The following KCNJ5 variants were observed in gnomAD, a reference collection of about 807,000 sequenced individuals.
KCNJ5 encodes potassium inwardly rectifying channel subfamily J member 5.
A neutral mutation model predicts 20.2 loss-of-function variants in KCNJ5; 12 were observed. The ratio of observed to expected loss-of-function variants is 0.59; its 90% CI spans 0.38 to 0.96. The LOEUF (loss-of-function observed/expected upper bound fraction) is 0.96. Among genes scored for constraint, KCNJ5 ranks in the 40% least tolerant of loss-of-function variants. KCNJ5 has a pLI of 0.00. For synonymous variants in KCNJ5, 210 were observed against 213.9 expected, an observed-to-expected ratio of 0.98 and a Z score of 0.16; for missense variants, 449 against 557.6, an observed-to-expected ratio of 0.81 and a Z score of 1.96.
intron 1 of KCNJ5, among the ~76,000 whole-genome samples, chr11:128,903,081 T>G (rs116856015): frequency 1.3e-5 from 2 of 152,136 alleles, no homozygotes; most frequent in African/African-American, 4.8e-5. Context: ...GCTGCCGCTT[T>G]AGAACTGCGT....
At chr11:128,907,000 C>T (rs1944428404) in intron 1 of KCNJ5, among the ~76,000 whole-genome samples, 1 of 152,144 alleles carries the variant, frequency 6.6e-6, no homozygotes, top group South Asian at 2.1e-4. Context: ...TCCTGCTAAC[C>T]CTAAAGGGCC....
intron 1 of KCNJ5, among the ~76,000 whole-genome samples, chr11:128,903,713 T>C (rs1944335573): frequency 1.3e-5 from 2 of 152,174 alleles, no homozygotes; most frequent in Admixed American, 1.3e-4. Flanking sequence ...CAGGGACCTC[T>C]GGGGGCAAGT....
rs1565540572 is a variant in KCNJ5, at chr11:128,891,460, A to AGAGG, written c.-269_-268insGGAG. The AGAGG allele has an allele frequency of 9.3e-5, 14 of 150,728 alleles. No homozygotes were observed. The highest frequency in any genetic ancestry group is 3.5e-4 in the African/African-American group (14 of 39,870). 9.3% of individuals were successfully genotyped at this position (150,728 alleles called of 1,614,324 possible). On this transcript the variant is annotated 5_prime_UTR_variant, in exon 1 of 3. Coordinates refer to ENST00000529694, the MANE Select transcript of KCNJ5 (RefSeq NM_000890.5). ...CACACACAGAGAGAGAGAGAGAGAG[A>AGAGG]GAGAGAGAGAGAGAGATTGTTCCAG...
chr11:128,916,102 T>TTGGA (rs56658633), intron 2 of KCNJ5, among the ~76,000 whole-genome samples: 4,973 of 117,906 alleles, frequency 0.042, 117 homozygotes, highest in East Asian at 0.073. Context: ...GGATAGATAA[T>TTGGA]TGGATGGATG....
At chr11:128,912,529 G>A (rs1212437332) in intron 2 of KCNJ5, among the ~76,000 whole-genome samples, 1 of 139,520 alleles carries the variant, frequency 7.2e-6, no homozygotes, top group Non-Finnish European at 1.6e-5. Context: ...GTTTATTTTT[G>A]AGGCAGGGTC....
intron 1 of KCNJ5, among the ~76,000 whole-genome samples, chr11:128,909,242 G>A (rs994750330): frequency 1.3e-5 from 2 of 152,236 alleles, no homozygotes; most frequent in African/African-American, 4.8e-5. Context: ...CTCAGTGGTT[G>A]ACAGGCCTTT....
At chr11:128,907,322 T>G (rs1435320689) in intron 1 of KCNJ5, among the ~76,000 whole-genome samples, 2 of 152,106 alleles carry the variant, frequency 1.3e-5, no homozygotes, top group African/African-American at 2.4e-5. Flanking sequence ...CAAGCAAGGC[T>G]CTTACCAAGT....
chr11:128,904,201 C>T (rs558153748), intron 1 of KCNJ5, among the ~76,000 whole-genome samples: 1 of 152,334 alleles, frequency 6.6e-6, no homozygotes, highest in East Asian at 1.9e-4. Flanking sequence ...TGTTTGCTCC[C>T]CTGTTCTCAG....
At position 128,891,441 on chromosome 11, in the gene KCNJ5, C is replaced by CACACAGAGAGAGAGAGAGAGAGAGAG. The variant is rs1160699929; in HGVS notation, c.-290_-289insCACAGAGAGAGAGAGAGAGAGAGAGA. The stretch of plus-strand genomic sequence containing the variant: ...ACACACACACACACACACACACACA[C>CACACAGAGAGAGAGAGAGAGAGAGAG]AGAGAGAGAGAGAGAGAGAGAGAGA... On this transcript the variant is annotated 5_prime_UTR_variant, in exon 1 of 3. Coordinates refer to ENST00000529694, the MANE Select transcript of KCNJ5 (RefSeq NM_000890.5). 1.8e-5 allele frequency: 1 copy of CACACAGAGAGAGAGAGAGAGAGAGAG among 54,922 alleles called. No homozygotes were observed. The highest frequency in any genetic ancestry group is 8.0e-5 in the African/African-American group (1 of 12,444). The allele number at this position is 54,922 out of a possible 1,614,324, so 3.4% of individuals were successfully genotyped here.
At chr11:128,895,421 A>C (rs1451355462) in intron 1 of KCNJ5, among the ~76,000 whole-genome samples, 1 of 138,072 alleles carries the variant, frequency 7.2e-6, no homozygotes, top group African/African-American at 2.7e-5. Flanking sequence ...ACTGCTGAGC[A>C]CTTGGTGCCT....
chr11:128,892,063 T>C (rs933955726), intron 1 of KCNJ5, among the ~76,000 whole-genome samples: 1 of 152,274 alleles, frequency 6.6e-6, no homozygotes, highest in Admixed American at 6.5e-5. Context: ...ATTTTTCACC[T>C]GGTAGGACTC....
intron 1 of KCNJ5, chr11:128,905,907 C>A (rs1426387510): frequency 6.6e-6 from 1 of 152,208 alleles, no homozygotes; most frequent in Non-Finnish European, 1.5e-5. Flanking sequence ...TTTAAACTCT[C>A]ACCTGTTTTC....
intron 2 of KCNJ5, among the ~76,000 whole-genome samples, chr11:128,913,962 G>A (rs773874648): frequency 2.6e-5 from 4 of 152,182 alleles, no homozygotes; most frequent in African/African-American, 4.8e-5. Context: ...CCAGGAGAGG[G>A]CAATGACAAG....
At chr11:128,908,324 G>T (rs1944452896) in intron 1 of KCNJ5, among the ~76,000 whole-genome samples, 2 of 152,190 alleles carry the variant, frequency 1.3e-5, no homozygotes, top group South Asian at 4.1e-4. Context: ...GAGGAGCAGA[G>T]GATATTATCT....
Position 128,915,211 on chromosome 11 carries a change from C to T in KCNJ5, c.938-1198C>T, listed in dbSNP as rs182793322. 1.7e-4 allele frequency among the ~76,000 whole-genome samples: 26 copies of T among 152,324 alleles called. No homozygotes were observed. The East Asian group carries it at 4.6e-3, about 27-fold the overall frequency. ...TTTCCTGTGACCCTAAGCACAGAGG[C>T]CTCCTCATCCATAAACAAAGCTGCC... On this transcript the variant is annotated intron_variant, in intron 2 of 2. Transcript: ENST00000529694.
Position 128,918,054 on chromosome 11 carries a change from CAAA to C in KCNJ5, c.*1335_*1337del. 1 of 97,338 alleles carries C rather than the reference CAAA, an allele frequency of 1.0e-5. No homozygotes were observed. Among genetic ancestry groups the C allele is most frequent in the Non-Finnish European group, 2.1e-5 (1 of 48,396 alleles). 6.0% of individuals were successfully genotyped at this position (97,338 alleles called of 1,614,324 possible). On this transcript the variant is annotated 3_prime_UTR_variant, in exon 3 of 3. Transcript: ENST00000529694. ...TGGGCGACAGAGCGAGACTCCATCT[CAAA>C]AAAAAAAAAAACATCAGCATCTGCC...
intron 1 of KCNJ5, chr11:128,899,670 C>T (rs1944236678): frequency 6.6e-6 from 1 of 152,224 alleles, no homozygotes. Flanking sequence ...GTGCGGCTCA[C>T]TTTCAAAGAG....
chr11:128,916,704 G>C lies in KCNJ5; in HGVS notation c.1233G>C (p.Gly411=). Residue 411 remains glycine, a synonymous_variant, in exon 3 of 3, where the codon GGG becomes GGC. Transcript: ENST00000529694. ...NEEDEPKGLG[G]SREARGSV ...AAGATGAGCCCAAGGGGCTGGGTGG[G>C]TCCAGGGAGGCCAGGGGCTCGGTGT... 1 of 1,608,140 alleles carries C rather than the reference G, an allele frequency of 6.2e-7. No individual in the cohort carries two copies. Among genetic ancestry groups the C allele is most frequent in the Non-Finnish European group, 8.5e-7 (1 of 1,177,812 alleles).
rs1249014742 is a variant in KCNJ5 at position 128,911,678 on chromosome 11, C to T, written c.405C>T (p.Gly135=). ...TTCCTTGTGTTGAAAACCTCAGTGGCTTCGTGTCCGCTTTCCTGTTCTCCA... is the reference window on the plus strand; with the variant it reads ...TTCCTTGTGTTGAAAACCTCAGTGGTTTCGTGTCCGCTTTCCTGTTCTCCA... ...EWIPCVENLS[G]FVSAFLFSIE... The change falls in exon 2 of 3, where the codon GGC becomes GGT. Residue 135 remains glycine (G), a synonymous_variant. Transcript: ENST00000529694. This position sits in a 1 kb window ranked among gnomAD's most constrained non-coding sequence, Gnocchi z 6.3. 5 of 1,614,208 alleles carry T rather than the reference C, an allele frequency of 3.1e-6. No individual in the cohort carries two copies. Among genetic ancestry groups the T allele is most frequent in the Non-Finnish European group, 4.2e-6 (5 of 1,180,028 alleles).
Sources: allele counts gnomAD v4.1 joint callset (sites outside exome capture counted in the v4.1 genomes callset), GRCh38; gene constraint gnomAD v4.1.1; non-coding constraint Gnocchi (gnomAD v3.1); transcripts MANE v1.5; gene names NCBI Gene and HGNC (gene_info 2026-07-23, HGNC 2026-07-21).